The following TBCEL variants were observed in gnomAD, a reference collection of about 807,000 sequenced individuals.
TBCEL encodes the protein tubulin folding cofactor E like, also known as tubulin-specific chaperone cofactor E-like protein.
In TBCEL, 15 loss-of-function variants were observed where a neutral mutation model predicts 44.2. The observed-to-expected ratio is 0.34, with a 90% CI of 0.23 to 0.52. The LOEUF (loss-of-function observed/expected upper bound fraction) is 0.52. Ranked by LOEUF, TBCEL falls within the 20% of genes least tolerant of loss-of-function variation. The pLI is 0.95. For missense variants in TBCEL, 319 were observed against 506.3 expected, an observed-to-expected ratio of 0.63 and a Z score of 3.55; for synonymous variants, 171 against 185.4, an observed-to-expected ratio of 0.92 and a Z score of 0.63.
intron 2 of TBCEL, 142 bp from the exon 3 acceptor site, chr11:121,045,532 A>G (rs1228700788): frequency 3.4e-6 from 2 of 591,436 alleles, no homozygotes; most frequent in Non-Finnish European, 2.8e-6. Context: ...ACCACAGTAT[A>G]TGTTTCTGGG....
At chr11:121,053,483 C>A in intron 4 of TBCEL, 68 bp from the exon 5 acceptor site, 1 of 1,487,234 alleles carries the variant, frequency 6.7e-7, no homozygotes. Context: ...TCTAGGCTTT[C>A]TTGAGCATGA....
chr11:121,047,516 CTCA>C lies in TBCEL; in HGVS notation c.134-7_134-5del, dbSNP rs1354224905. On this transcript the variant is annotated splice_polypyrimidine_tract_variant and intron_variant, in intron 3 of 8. Coordinates refer to ENST00000683345, the MANE Select transcript of TBCEL (RefSeq NM_001363644.2). The stretch of plus-strand genomic sequence containing the variant: ...CTGATATAGAAAACATTTTGTGTCT[CTCA>C]TCATTCAGATCGCCTCAACCTCCCA... 1.4e-5 allele frequency: 23 copies of C among 1,611,180 alleles called. No homozygotes were observed. The highest frequency in any genetic ancestry group is 2.7e-5 in the African/African-American group (2 of 74,710).
At chr11:121,045,005 A>G (rs1182305069) in intron 2 of TBCEL, among the ~76,000 whole-genome samples, 2 of 152,132 alleles carry the variant, frequency 1.3e-5, no homozygotes, top group African/African-American at 4.8e-5. Flanking sequence ...GAGCCCTTTC[A>G]GCAATTCGTC....
intron 1 of TBCEL, among the ~76,000 whole-genome samples, chr11:121,025,343 A>T (rs955250673): frequency 6.6e-6 from 1 of 152,076 alleles, no homozygotes; most frequent in African/African-American, 2.4e-5. Flanking sequence ...TAAGGAAAAC[A>T]TTCACTCTTT....
chr11:121,061,859 G>A (rs998510298), intron 8 of TBCEL, among the ~76,000 whole-genome samples: 2 of 151,942 alleles, frequency 1.3e-5, no homozygotes, highest in African/African-American at 4.8e-5. Context: ...CACTTAGGCT[G>A]TACTACATTT....
At chr11:121,040,999 C>G (rs762842810) in intron 2 of TBCEL, among the ~76,000 whole-genome samples, 4 of 152,160 alleles carry the variant, frequency 2.6e-5, no homozygotes, top group Non-Finnish European at 4.4e-5. Context: ...TGTTTTAGCA[C>G]TCTGTGGGGT....
intron 1 of TBCEL, among the ~76,000 whole-genome samples, chr11:121,033,879 C>T (rs1040425433): frequency 1.4e-4 from 21 of 151,450 alleles, no homozygotes; most frequent in African/African-American, 4.2e-4. Flanking sequence ...TCTAGTTACC[C>T]CATGTAAGTG....
intron 1 of TBCEL, among the ~76,000 whole-genome samples, chr11:121,033,166 CAT>C (rs1945173236): frequency 6.6e-6 from 1 of 152,068 alleles, no homozygotes; most frequent in Non-Finnish European, 1.5e-5. Context: ...TATTTATAAT[CAT>C]GTTATTCATA....
rs200364219 is a variant in TBCEL, at chr11:121,079,601, T to C, written c.957-7177T>C. Reference sequence around the variant, plus strand: ...TCCTACCTATAAAATGTGATGCTTATGTGTTTTAATAAGTGGAATGTTGGT... The same window carrying C: ...TCCTACCTATAAAATGTGATGCTTACGTGTTTTAATAAGTGGAATGTTGGT... On this transcript the variant is annotated intron_variant, in intron 8 of 8. Coordinates refer to ENST00000683345, the MANE Select transcript of TBCEL (RefSeq NM_001363644.2). Among the ~76,000 whole-genome samples the C allele has an allele frequency of 7.2e-5, 11 of 152,194 alleles. No individual in the cohort carries two copies. In the East Asian group the frequency reaches 2.1e-3, roughly 29 times the overall value.
chr11:121,064,259 C>G lies in TBCEL; in HGVS notation c.956+4174C>G, dbSNP rs116188512. ...CCTTGAGTTTGCAGACCTGTCTACT[C>G]TTACAAAGGATAACTGGTATCACTT... is the stretch of plus-strand genomic sequence containing the variant. On this transcript the variant is annotated intron_variant, in intron 8 of 8. Coordinates refer to ENST00000683345, the MANE Select transcript of TBCEL (RefSeq NM_001363644.2). 3.3e-3 allele frequency among the ~76,000 whole-genome samples: 497 copies of G among 152,326 alleles called. 1 individual carries two copies. The highest frequency in any genetic ancestry group is 0.011 in the African/African-American group (465 of 41,576).
chr11:121,061,458 G>T (rs1945720299), intron 8 of TBCEL, among the ~76,000 whole-genome samples: 1 of 151,692 alleles, frequency 6.6e-6, no homozygotes. Flanking sequence ...TTAATGACAG[G>T]GACATGTTCT....
intron 8 of TBCEL, among the ~76,000 whole-genome samples, chr11:121,062,258 C>T (rs915276455): frequency 6.6e-6 from 1 of 152,006 alleles, no homozygotes; most frequent in African/African-American, 2.4e-5. Flanking sequence ...CTCTGGAATA[C>T]CTCCTGAAAG....
chr11:121,072,657 A>G (rs985884085), intron 8 of TBCEL, among the ~76,000 whole-genome samples: 4 of 151,968 alleles, frequency 2.6e-5, no homozygotes, highest in African/African-American at 9.7e-5. Context: ...CTTCCCTCAT[A>G]TTGTGGCTTT....
chr11:121,088,909 A>G lies in TBCEL; in HGVS notation c.*1813A>G, dbSNP rs1030192029. The stretch of plus-strand genomic sequence containing the variant: ...CTATTCTCCTTCTGCTGCAGACTTT[A>G]TCTTTCAAAATCATAAAAATGAGCA... On this transcript the variant is annotated 3_prime_UTR_variant, in exon 9 of 9. Transcript: ENST00000683345. 3 of 152,208 alleles carry G rather than the reference A, an allele frequency of 2.0e-5. No individual in the cohort carries two copies. Among genetic ancestry groups the G allele is most frequent in the Non-Finnish European group, 4.4e-5 (3 of 68,014 alleles). 9.4% of individuals were successfully genotyped at this position (152,208 alleles called of 1,614,324 possible).
chr11:121,050,554 T>C (rs1480726125), intron 4 of TBCEL, among the ~76,000 whole-genome samples: 1 of 151,686 alleles, frequency 6.6e-6, no homozygotes, highest in East Asian at 1.9e-4. Context: ...GCTTTTGACT[T>C]GAATTTTTGG....
chr11:121,049,811 G>A (rs1375612283), intron 4 of TBCEL, among the ~76,000 whole-genome samples: 1 of 151,692 alleles, frequency 6.6e-6, no homozygotes, highest in African/African-American at 2.4e-5. Flanking sequence ...GTGTAATATG[G>A]ATCAGTATAC....
intron 8 of TBCEL, among the ~76,000 whole-genome samples, chr11:121,063,377 A>T (rs1453315366): frequency 6.6e-6 from 1 of 152,156 alleles, no homozygotes; most frequent in East Asian, 1.9e-4. Context: ...TATCTGCCCT[A>T]ATGCATTCCT....
intron 7 of TBCEL, 61 bp from the exon 8 acceptor site, chr11:121,059,908 T>C (rs1306875387): frequency 2.5e-6 from 3 of 1,217,372 alleles, no homozygotes; most frequent in Non-Finnish European, 3.5e-6. Flanking sequence ...AATTAGTTTC[T>C]TTCTAAAGCT....
chr11:121,067,016 G>A (rs1945833678), intron 8 of TBCEL, among the ~76,000 whole-genome samples: 1 of 152,092 alleles, frequency 6.6e-6, no homozygotes, highest in South Asian at 2.1e-4. Context: ...TCCTAGCTCG[G>A]TTCCCCGAGC....
Sources: gnomAD v4.1 joint callset for allele counts (sites outside exome capture counted in the v4.1 genomes callset) on GRCh38, gnomAD v4.1.1 for gene constraint, MANE v1.5 for transcripts, NCBI Gene and HGNC (gene_info 2026-07-23, HGNC 2026-07-21) for gene names.